The following XYLT1 variants were observed in gnomAD, a reference collection of about 807,000 sequenced individuals.
XYLT1 encodes the protein xylosyltransferase 1.
XYLT1 carries 36 observed loss-of-function variants against 91.3 expected under a neutral mutation model. The observed-to-expected ratio is 0.39, with a 90% CI of 0.30 to 0.52. The LOEUF (loss-of-function observed/expected upper bound fraction) is 0.52, where lower values mean the gene tolerates loss of function less well. XYLT1 is among the 20% of genes least tolerant of loss of function. The pLI is 0.68. For synonymous variants in XYLT1, 588 were observed against 532.0 expected (o/e 1.11, Z -1.45); for missense variants, 1,242 against 1,284.5 (o/e 0.97, Z 0.51).
chr16:17,370,987 T>A (rs2035524736), intron 1 of XYLT1, among the ~76,000 whole-genome samples: 1 of 152,172 alleles, frequency 6.6e-6, no homozygotes, highest in South Asian at 2.1e-4. Context: ...GTGTTTGTAA[T>A]CTCTGGTTTA....
At chr16:17,280,230 A>G (rs1189683663) in intron 2 of XYLT1, among the ~76,000 whole-genome samples, 1 of 152,160 alleles carries the variant, frequency 6.6e-6, no homozygotes, top group Non-Finnish European at 1.5e-5. Context: ...AGCACCTGTA[A>G]TCCCAGATAC....
At chr16:17,331,682 G>A (rs751350060) in intron 2 of XYLT1, among the ~76,000 whole-genome samples, 7 of 152,100 alleles carry the variant, frequency 4.6e-5, no homozygotes, top group Non-Finnish European at 7.4e-5. Flanking sequence ...TTTTATTGAT[G>A]GGCACACTGA....
At chr16:17,241,265 G>A (rs528859073) in intron 3 of XYLT1, among the ~76,000 whole-genome samples, 108 of 152,364 alleles carry the variant, frequency 7.1e-4, no homozygotes, top group African/African-American at 2.5e-3. Context: ...CAATAAACAA[G>A]GGGAGAGAGG....
intron 1 of XYLT1, among the ~76,000 whole-genome samples, chr16:17,404,801 A>G (rs927009230): frequency 3.3e-5 from 5 of 152,214 alleles, no homozygotes; most frequent in Non-Finnish European, 7.3e-5. Context: ...AAAAACATTC[A>G]GAGTTGTGTA....
chr16:17,102,731 A>G lies in XYLT1; in HGVS notation c.*5964T>C, dbSNP rs1316405639. The G allele has an allele frequency of 2.0e-5, 3 of 150,060 alleles. No homozygotes were observed. The highest frequency in any genetic ancestry group is 1.9e-4 in the East Asian group (1 of 5,146). The allele number at this position is 150,060 out of a possible 1,614,324, so 9.3% of individuals were successfully genotyped here. ...ATATCTACATATTTCAGCGTGTGCCATTTGAATTCTTTTTTTAAAACTTTA... is the reference window on the plus strand; with the variant it reads ...ATATCTACATATTTCAGCGTGTGCCGTTTGAATTCTTTTTTTAAAACTTTA... On this transcript the variant is annotated 3_prime_UTR_variant, in exon 12 of 12. Transcript: ENST00000261381.
chr16:17,307,673 C>A (rs2034487945), intron 2 of XYLT1, among the ~76,000 whole-genome samples: 1 of 152,168 alleles, frequency 6.6e-6, no homozygotes, highest in Admixed American at 6.5e-5. Flanking sequence ...AAAATCTTTC[C>A]AATGACTCTG....
intron 6 of XYLT1, among the ~76,000 whole-genome samples, chr16:17,153,670 AT>A (rs1207971009): frequency 6.6e-6 from 1 of 152,118 alleles, no homozygotes; most frequent in Non-Finnish European, 1.5e-5. Context: ...GGAGCAGCTA[AT>A]TTTATAAATT....
chr16:17,183,576 T>C (rs1163979233), intron 5 of XYLT1, among the ~76,000 whole-genome samples: 2 of 152,226 alleles, frequency 1.3e-5, no homozygotes, highest in Non-Finnish European at 2.9e-5. Flanking sequence ...GGTTTCTTCA[T>C]ACTGCGATGC....
In XYLT1 at chr16:17,107,320, C is replaced by T. The variant is rs1038698410; in HGVS notation, c.*1375G>A. 2 of 152,070 alleles carry T rather than the reference C, an allele frequency of 1.3e-5. No individual in the cohort carries two copies. Among genetic ancestry groups the T allele is most frequent in the African/African-American group, 4.8e-5 (2 of 41,414 alleles). The allele number at this position is 152,070 out of a possible 1,614,324, so 9.4% of individuals were successfully genotyped here. A position where few individuals can be genotyped will look rare whatever the true frequency, so the allele number is the denominator to read the frequency against. On this transcript the variant is annotated 3_prime_UTR_variant, in exon 12 of 12. Coordinates refer to ENST00000261381, the MANE Select transcript of XYLT1 (RefSeq NM_022166.4). ...GGCTACCAGGGGTGAGACCTTTTTC[C>T]AAGGGAATCCCATCATTCAGGGGAG...
chr16:17,127,626 T>C, intron 10 of XYLT1, 40 bp downstream of exon 10: 1 of 1,589,786 alleles, frequency 6.3e-7, no homozygotes, highest in Non-Finnish European at 8.6e-7. Context: ...CCGAGGGAAA[T>C]GCAAAATACA....
At chr16:17,336,701 C>T (rs993137164) in intron 2 of XYLT1, among the ~76,000 whole-genome samples, 1 of 152,200 alleles carries the variant, frequency 6.6e-6, no homozygotes, top group East Asian at 1.9e-4. Flanking sequence ...CCGTCCGAAT[C>T]CCACAGGGAA....
At chr16:17,250,100 C>T (rs906499619) in intron 3 of XYLT1, 1 of 152,264 alleles carries the variant, frequency 6.6e-6, no homozygotes, top group African/African-American at 2.4e-5. Context: ...CTTGTCACCT[C>T]TGGTCTCTCC....
chr16:17,200,002 C>A (rs2032502839), intron 4 of XYLT1, among the ~76,000 whole-genome samples: 1 of 151,932 alleles, frequency 6.6e-6, no homozygotes, highest in Non-Finnish European at 1.5e-5. Context: ...GCGGGCAGAT[C>A]ACGAGGTCAA....
chr16:17,346,375 G>A (rs1238822309), intron 2 of XYLT1, among the ~76,000 whole-genome samples: 3 of 152,146 alleles, frequency 2.0e-5, no homozygotes, highest in African/African-American at 4.8e-5. Context: ...GACTGTCACT[G>A]AGGTGAATGA....
In XYLT1 at chr16:17,240,367, G is replaced by C. The variant is rs149035353; in HGVS notation, c.913+18621C>G. Among the ~76,000 whole-genome samples the C allele has an allele frequency of 3.6e-3, 542 of 152,316 alleles. 3 individuals carry two copies. Among genetic ancestry groups the C allele is most frequent in the African/African-American group, 0.012 (511 of 41,554 alleles). Reference sequence around the variant, plus strand: ...TTGCAATGGGGAAAGTCCTTGGCAAGTCTTCAGCAGACGAGCCACACAGTT... The same window carrying C: ...TTGCAATGGGGAAAGTCCTTGGCAACTCTTCAGCAGACGAGCCACACAGTT... On this transcript the variant is annotated intron_variant, in intron 3 of 11. Transcript: ENST00000261381.
intron 1 of XYLT1, among the ~76,000 whole-genome samples, chr16:17,365,822 A>G (rs754637698): frequency 2.0e-5 from 3 of 152,196 alleles, no homozygotes; most frequent in Non-Finnish European, 4.4e-5. Flanking sequence ...ATGCTTCTCC[A>G]GCTTGGTATG....
intron 1 of XYLT1, among the ~76,000 whole-genome samples, chr16:17,411,952 G>A (rs1483115174): frequency 1.3e-5 from 2 of 151,958 alleles, no homozygotes; most frequent in Non-Finnish European, 2.9e-5. Context: ...GAGGCCTAAG[G>A]TGAAAAGGAT....
In XYLT1 at chr16:17,106,695, G is replaced by A. The variant is rs895227664; in HGVS notation, c.*2000C>T. The A allele has an allele frequency of 7.2e-5, 11 of 152,064 alleles. No homozygotes were observed. Among genetic ancestry groups the A allele is most frequent in the Admixed American group, 1.3e-4 (2 of 15,260 alleles). The allele number at this position is 152,064 out of a possible 1,614,324, so 9.4% of individuals were successfully genotyped here. A position where few individuals can be genotyped will look rare whatever the true frequency, so the allele number is the denominator to read the frequency against. On this transcript the variant is annotated 3_prime_UTR_variant, in exon 12 of 12. Coordinates refer to ENST00000261381, the MANE Select transcript of XYLT1 (RefSeq NM_022166.4). Reference sequence around the variant, plus strand: ...AGCACATTCCCCACTCACCCTCCACGTTTTCTGCCTGTCACCTCCTTGTGC... The same window carrying A: ...AGCACATTCCCCACTCACCCTCCACATTTTCTGCCTGTCACCTCCTTGTGC...
Position 17,106,174 on chromosome 16 carries a change from G to A in XYLT1, c.*2521C>T, listed in dbSNP as rs889111851. ...GCAGACATGTTAGTGGGTGCAGGAG[G>A]GGCCCCATCTTGAAGTCTGCAGGTT... On this transcript the variant is annotated 3_prime_UTR_variant, in exon 12 of 12. Transcript: ENST00000261381. The A allele has an allele frequency of 6.6e-6, 1 of 152,210 alleles. No individual in the cohort carries two copies. Among genetic ancestry groups the A allele is most frequent in the Admixed American group, 6.5e-5 (1 of 15,280 alleles). The allele number at this position is 152,210 out of a possible 1,614,324, so 9.4% of individuals were successfully genotyped here. A position where few individuals can be genotyped will look rare whatever the true frequency, so the allele number is the denominator to read the frequency against.
Sources: allele counts gnomAD v4.1 joint callset (sites outside exome capture counted in the v4.1 genomes callset), GRCh38; gene constraint gnomAD v4.1.1; transcripts MANE v1.5; gene names NCBI Gene and HGNC (gene_info 2026-07-23, HGNC 2026-07-21).